SGCD: variants seen among roughly 807,000 people sequenced by gnomAD.
The protein encoded by SGCD is delta-sarcoglycan.
Under a neutral mutation model 36.6 loss-of-function variants are expected in SGCD, and 18 were observed. The ratio of observed to expected loss-of-function variants is 0.49; its 90% CI spans 0.34 to 0.73. The LOEUF is 0.73. Among genes scored for constraint, SGCD ranks in the 30% least tolerant of loss-of-function variants. The pLI, the probability that SGCD is intolerant of heterozygous loss-of-function variation, is 0.01. For synonymous variants in SGCD, 133 were observed against 130.6 expected, an observed-to-expected ratio of 1.02 and a Z score of -0.12; for missense variants, 387 against 346.7, an observed-to-expected ratio of 1.12 and a Z score of -0.92.
chr5:156,035,822 C>T (rs1282372706), intron 1 of SGCD, among the ~76,000 whole-genome samples: 4 of 152,064 alleles, frequency 2.6e-5, no homozygotes, highest in African/African-American at 9.7e-5. Flanking sequence ...AGAGAAGGAA[C>T]ACAAAGTGAT....
At chr5:156,343,074 T>G (rs1051534670) in intron 2 of SGCD, among the ~76,000 whole-genome samples, 2 of 151,364 alleles carry the variant, frequency 1.3e-5, no homozygotes, top group African/African-American at 4.9e-5. Flanking sequence ...AGGGGATTTT[T>G]AGATTTTATG....
At position 156,229,414 on chromosome 5, in the gene SGCD, T is replaced by C. The variant is rs1031837631; in HGVS notation, c.-43-100120T>C. Among the ~76,000 whole-genome samples the C allele has an allele frequency of 5.3e-5, 8 of 150,738 alleles. 1 individual carries two copies. The highest frequency in any genetic ancestry group is 1.3e-4 in the Admixed American group (2 of 15,110). On this transcript the variant is annotated intron_variant, in intron 3 of 9. Transcript: ENST00000517913. The stretch of plus-strand genomic sequence containing the variant: ...TTCTGAAAAAGACCTTATCTTTCCT[T>C]CATATATGAAGCTTAGTTTCACTGG...
chr5:155,986,822 A>G (rs1407994820), intron 1 of SGCD, among the ~76,000 whole-genome samples: 1 of 152,150 alleles, frequency 6.6e-6, no homozygotes, highest in African/African-American at 2.4e-5. Context: ...AATCAATTTT[A>G]TATCAAATCA....
the SGCD span, among the ~76,000 whole-genome samples, chr5:155,797,735 G>T: frequency 2.1e-4 from 32 of 152,300 alleles, no homozygotes; most frequent in African/African-American, 6.7e-4. Context: ...GCAACTAGAG[G>T]GTTGGGCCAG....
At chr5:156,670,305 T>C (rs1257975134) in intron 7 of SGCD, among the ~76,000 whole-genome samples, 1 of 152,240 alleles carries the variant, frequency 6.6e-6, no homozygotes, top group Non-Finnish European at 1.5e-5. Context: ...CCGAAATTCC[T>C]AAGTTGTGGC....
chr5:156,144,131 T>G (rs58339191), intron 3 of SGCD, among the ~76,000 whole-genome samples: 1 of 151,948 alleles, frequency 6.6e-6, no homozygotes, highest in Admixed American at 6.6e-5. Context: ...TTAATCCAGT[T>G]TATCGTTGTT....
intron 3 of SGCD, among the ~76,000 whole-genome samples, chr5:156,213,632 G>T (rs77628290): frequency 6.6e-6 from 1 of 151,958 alleles, no homozygotes; most frequent in South Asian, 2.1e-4. Flanking sequence ...CAGCATTACC[G>T]TGATATTAAA....
chr5:156,156,216 A>G (rs1011661829), intron 3 of SGCD, among the ~76,000 whole-genome samples: 4 of 151,562 alleles, frequency 2.6e-5, no homozygotes, highest in African/African-American at 9.8e-5. Context: ...AGGCCAAGAG[A>G]AGAGAGAGCA....
At chr5:156,310,401 A>G (rs1767360631) in intron 3 of SGCD, among the ~76,000 whole-genome samples, 1 of 152,122 alleles carries the variant, frequency 6.6e-6, no homozygotes, top group Non-Finnish European at 1.5e-5. Flanking sequence ...TATTTGGAAG[A>G]CAGGCTCCTT....
At chr5:156,033,374 C>A (rs1244430287) in intron 1 of SGCD, among the ~76,000 whole-genome samples, 1 of 152,084 alleles carries the variant, frequency 6.6e-6, no homozygotes, top group Admixed American at 6.6e-5. Context: ...AATTTTTTAA[C>A]CCTCACCCTC....
At chr5:156,565,158 A>G (rs1759426803) in intron 4 of SGCD, among the ~76,000 whole-genome samples, 2 of 152,234 alleles carry the variant, frequency 1.3e-5, no homozygotes, top group Non-Finnish European at 2.9e-5. Flanking sequence ...CCTGTACATT[A>G]TCATCTCATG....
rs58918166 is a variant in SGCD at position 156,690,929 on chromosome 5, G to T, written c.575+43393G>T. Among the ~76,000 whole-genome samples the T allele has an allele frequency of 2.2e-3, 341 of 152,110 alleles. 7 individuals carry two copies. The East Asian group carries it at 0.046, about 21-fold the overall frequency. ...GAAAGTCAAAATGAGATCCAGAGCC[G>T]GGTGCAATGGCTTACTCCTGTAATC... On this transcript the variant is annotated intron_variant, in intron 7 of 8. Coordinates refer to ENST00000337851, the MANE Select transcript of SGCD (RefSeq NM_000337.6).
chr5:155,938,019 T>C (rs1757244697), intron 1 of SGCD, among the ~76,000 whole-genome samples: 1 of 152,224 alleles, frequency 6.6e-6, no homozygotes, highest in Non-Finnish European at 1.5e-5. Flanking sequence ...GCTCTTTCTT[T>C]GAACCACAGT....
At chr5:155,947,307 G>C (rs1757458006) in intron 1 of SGCD, among the ~76,000 whole-genome samples, 1 of 138,704 alleles carries the variant, frequency 7.2e-6, no homozygotes, top group African/African-American at 2.9e-5. Context: ...GTGTGTGTGT[G>C]TGTGTGTGTG....
chr5:156,090,709 G>C (rs573506158), intron 1 of SGCD, among the ~76,000 whole-genome samples: 3 of 152,300 alleles, frequency 2.0e-5, no homozygotes, highest in African/African-American at 7.2e-5. Context: ...CAGGAGACCA[G>C]GGTGTATTTC....
At chr5:156,536,412 T>G (rs947107163) in intron 4 of SGCD, among the ~76,000 whole-genome samples, 2 of 152,332 alleles carry the variant, frequency 1.3e-5, no homozygotes, top group Admixed American at 6.5e-5. Context: ...GTGAACTCTT[T>G]GCAGGCAAAA....
rs376365689 is a variant in SGCD at position 155,885,792 on chromosome 5, G to A, written c.-282+15368G>A. Among the ~76,000 whole-genome samples, 246 of 152,286 alleles carry A rather than the reference G, an allele frequency of 1.6e-3. 1 individual carries two copies. Among genetic ancestry groups the A allele is most frequent in the Middle Eastern group, 3.4e-3 (1 of 294 alleles). ...ATAACACCATAAATCTTCAAACCAT[G>A]TATTCCAAACATGAATACACAGAAG... is the stretch of plus-strand genomic sequence containing the variant. On this transcript the variant is annotated intron_variant, in intron 1 of 9. Transcript: ENST00000517913.
At chr5:156,675,620 T>C (rs1753476285) in intron 7 of SGCD, among the ~76,000 whole-genome samples, 1 of 152,106 alleles carries the variant, frequency 6.6e-6, no homozygotes, top group Admixed American at 6.6e-5. Context: ...AGAGACAAAC[T>C]CAGAAACTTA....
intron 3 of SGCD, among the ~76,000 whole-genome samples, chr5:156,455,480 C>T (rs1165123381): frequency 6.6e-6 from 1 of 150,962 alleles, no homozygotes; most frequent in Non-Finnish European, 1.5e-5. Flanking sequence ...GCTTAGTACT[C>T]AGTACTTTTC....
Sources: allele counts gnomAD v4.1 joint callset (sites outside exome capture counted in the v4.1 genomes callset), GRCh38; gene constraint gnomAD v4.1.1; transcripts MANE v1.5; gene names NCBI Gene and HGNC (gene_info 2026-07-23, HGNC 2026-07-21).